Variants in FAM47B observed in about 807,000 individuals in gnomAD.
FAM47B encodes family with sequence similarity 47 member B, also known as protein FAM47B.
For missense variants in FAM47B, 581 were observed against 550.1 expected (o/e 1.06, Z -0.56); for synonymous variants, 247 against 215.8 (o/e 1.14, Z -1.27).
In FAM47B at chrX:34,944,084, G is replaced by C; in HGVS notation, c.1253G>C (p.Arg418Pro). 8.4e-7 allele frequency: 1 copy of C among 1,195,090 alleles called. No homozygotes were observed. Among genetic ancestry groups the C allele is most frequent in the Non-Finnish European group, 1.1e-6 (1 of 889,761 alleles). The part of the protein sequence containing the change: ...ASLCLKPPKT[R>P]RVSSLCPEPT... ...CTCTGCCTGAAGCCTCCCAAGACTC[G>C]TCGGGTGTCCAGTCTCTGCCCGGAG... is the stretch of plus-strand genomic sequence containing the variant. The change falls in exon 1 of 1, where the codon CGT becomes CCT. Residue 418 changes from arginine to proline, a missense_variant. Physicochemically the swap from Arg to Pro is moderately radical, Grantham distance 103. Transcript: ENST00000329357.
At position 34,943,843 on chromosome X, in the gene FAM47B, A is replaced by G; in HGVS notation, c.1012A>G (p.Thr338Ala). ...CCATCTCTGCCTGGAACCTCCCAACACTCATCGGGTGTCCAGTTTCCTACT... is the reference window on the plus strand; with the variant it reads ...CCATCTCTGCCTGGAACCTCCCAACGCTCATCGGGTGTCCAGTTTCCTACT... ...VSHLCLEPPN[T>A]HRVSSFLLQV... The change falls in exon 1 of 1, where the codon ACT (threonine) becomes GCT (alanine). Residue 338 changes from threonine (T) to alanine (A), a missense_variant. Physicochemically the swap from Thr to Ala is moderately conservative, Grantham distance 58. Coordinates refer to ENST00000329357, the MANE Select transcript of FAM47B (RefSeq NM_152631.3). 1.7e-6 allele frequency: 2 copies of G among 1,204,511 alleles called. No individual in the cohort carries two copies. Among genetic ancestry groups the G allele is most frequent in the African/African-American group, 1.8e-5 (1 of 55,167 alleles).
In FAM47B at chrX:34,944,388, G is replaced by C. The variant is rs1184828379; in HGVS notation, c.1557G>C (p.Glu519Asp). ...GCATGGAGCTAGACGACATGGATGA[G>C]GTCGAATTCTTACGGATAAAATACT... ...MYGMELDDMDEVEFLRIKYWD... is the reference protein window; with the variant it reads ...MYGMELDDMDDVEFLRIKYWD... The change falls in exon 1 of 1, where the codon GAG (glutamate) becomes GAC (aspartate). Residue 519 changes from glutamate (E) to aspartate (D), a missense_variant. Coordinates refer to ENST00000329357, the MANE Select transcript of FAM47B (RefSeq NM_152631.3). 5.8e-6 allele frequency: 7 copies of C among 1,211,954 alleles called. No individual in the cohort carries two copies. The highest frequency in any genetic ancestry group is 7.8e-6 in the Non-Finnish European group (7 of 895,604).
At position 34,944,463 on chromosome X, in the gene FAM47B, G is replaced by A; in HGVS notation, c.1632G>A (p.Gly544=). 2 of 1,212,032 alleles carry A rather than the reference G, an allele frequency of 1.7e-6. No homozygotes were observed. Among genetic ancestry groups the A allele is most frequent in the African/African-American group, 1.7e-5 (1 of 57,862 alleles). Reference sequence around the variant, plus strand: ...CGCATTCTTATAGTGCACAGCGTGGGAGGATAAGGTATGGACCATGGTACT... The same window carrying A: ...CGCATTCTTATAGTGCACAGCGTGGAAGGATAAGGTATGGACCATGGTACT... ...AAPHSYSAQR[G]RIRYGPWYFE... Residue 544 remains glycine (G), a synonymous_variant, in exon 1 of 1, where the codon GGG becomes GGA. Transcript: ENST00000329357.
At position 34,944,725 on chromosome X, in the gene FAM47B, T is replaced by C; in HGVS notation, c.1894T>C (p.Tyr632His). The change falls in exon 1 of 1, where the codon TAC becomes CAC. Residue 632 changes from tyrosine (Y) to histidine (H), a missense_variant. Coordinates refer to ENST00000329357, the MANE Select transcript of FAM47B (RefSeq NM_152631.3). Reference protein sequence around the residue: ...KTPIQRAVQVYKYKEDVTDAS... With the variant: ...KTPIQRAVQVHKYKEDVTDAS... ...TCCTATTCAACGTGCAGTGCAAGTTTACAAGTACAAAGAAGACGTCACAGA... is the reference window on the plus strand; with the variant it reads ...TCCTATTCAACGTGCAGTGCAAGTTCACAAGTACAAAGAAGACGTCACAGA... The C allele has an allele frequency of 8.4e-7, 1 of 1,186,272 alleles. No individual in the cohort carries two copies. Among genetic ancestry groups the C allele is most frequent in the East Asian group, 3.0e-5 (1 of 33,477 alleles).
Position 34,943,201 on chromosome X carries a change from C to T in FAM47B, c.370C>T (p.Gln124Ter). 8.3e-7 allele frequency: 1 copy of T among 1,210,943 alleles called. No homozygotes were observed. Among genetic ancestry groups the T allele is most frequent in the Non-Finnish European group, 1.1e-6 (1 of 895,214 alleles). Reference sequence around the variant, plus strand: ...GGCGTTCGTAGAGGAAGTGGAAGCCCAGCTGATGACCAAGCATCCCTTGGC... The same window carrying T: ...GGCGTTCGTAGAGGAAGTGGAAGCCTAGCTGATGACCAAGCATCCCTTGGC... ...RKAFVEEVEA[Q>*]LMTKHPLAMY... The change falls in exon 1 of 1, where the codon CAG (glutamine) becomes TAG (stop). Residue 124 changes from glutamine (Q) to a stop codon, truncating the protein, a stop_gained. Coordinates refer to ENST00000329357, the MANE Select transcript of FAM47B (RefSeq NM_152631.3). LOFTEE classifies it low-confidence loss of function (END_TRUNC).
Position 34,944,136 on chromosome X carries a change from A to G in FAM47B, c.1305A>G (p.Leu435=). ...CTACCAAGACCGGAGCGTCCCATCTAAAAGAACTGTTTCAGGAAGATACAC... is the reference window on the plus strand; with the variant it reads ...CTACCAAGACCGGAGCGTCCCATCTGAAAGAACTGTTTCAGGAAGATACAC... The part of the protein sequence containing the change: ...PEPTKTGASH[L]KELFQEDTPS... The change falls in exon 1 of 1, where the codon CTA becomes CTG. Residue 435 remains leucine (L), a synonymous_variant. Transcript: ENST00000329357. The G allele has an allele frequency of 5.0e-6, 6 of 1,211,409 alleles. No individual in the cohort carries two copies. The highest frequency in any genetic ancestry group is 6.7e-6 in the Non-Finnish European group (6 of 895,503).
rs1486639582 is a variant in FAM47B at position 34,944,255 on chromosome X, A to G, written c.1424A>G (p.Asn475Ser). 1.7e-6 allele frequency: 2 copies of G among 1,212,061 alleles called. No homozygotes were observed. The highest frequency in any genetic ancestry group is 4.3e-5 in the Admixed American group (2 of 46,036). Residue 475 changes from asparagine to serine, a missense_variant, in exon 1 of 1, where the codon AAT (asparagine) becomes AGT (serine). By Grantham distance (46) the Asn-to-Ser change is conservative. Coordinates refer to ENST00000329357, the MANE Select transcript of FAM47B (RefSeq NM_152631.3). ...AAGTGGGCTGGAGACCTAGGAGTTA[A>G]TGAAGAATCCATCAGCAGTCTGTTT... is the stretch of plus-strand genomic sequence containing the variant. Reference protein sequence around the residue: ...DFKWAGDLGVNEESISSLFDF... With the variant: ...DFKWAGDLGVSEESISSLFDF...
rs773816146 is a variant in FAM47B at position 34,944,525 on chromosome X, A to G, written c.1694A>G (p.Glu565Gly). Residue 565 changes from glutamate to glycine, a missense_variant, in exon 1 of 1, where the codon GAA becomes GGA. Coordinates refer to ENST00000329357, the MANE Select transcript of FAM47B (RefSeq NM_152631.3). ...TTGGGGAAAAAGCTAAGAAGTGATG[A>G]ACCTTTGATTGACCCCAAGCCCGTA... ...PKLGKKLRSD[E>G]PLIDPKPVLE... 3.3e-6 allele frequency: 4 copies of G among 1,209,760 alleles called. No individual in the cohort carries two copies. In the East Asian group the frequency reaches 1.2e-4, roughly 36 times the overall value.
In FAM47B at chrX:34,944,701, C is replaced by T; in HGVS notation, c.1870C>T (p.Pro624Ser). 8.3e-7 allele frequency: 1 copy of T among 1,201,720 alleles called. No homozygotes were observed. Among genetic ancestry groups the T allele is most frequent in the Non-Finnish European group, 1.1e-6 (1 of 889,846 alleles). ...KGWTYDSVKT[P>S]IQRAVQVYKY... ...ATGGACTTACGACTCTGTTAAGACTCCTATTCAACGTGCAGTGCAAGTTTA... is the reference window on the plus strand; with the variant it reads ...ATGGACTTACGACTCTGTTAAGACTTCTATTCAACGTGCAGTGCAAGTTTA... Residue 624 changes from proline to serine, a missense_variant, in exon 1 of 1, where the codon CCT (proline) becomes TCT (serine). By Grantham distance (74) the Pro-to-Ser change is moderately conservative. Transcript: ENST00000329357.
rs1234555389 is a variant in FAM47B, at chrX:34,943,641, T to A, written c.810T>A (p.Ser270Arg). The part of the protein sequence containing the change: ...CPEPPKTLVS[S>R]VHPEPPDTGA... The stretch of plus-strand genomic sequence containing the variant: ...AGCCTCCCAAGACTCTGGTGTCCAG[T>A]GTCCACCCAGAGCCTCCTGATACTG... Residue 270 changes from serine to arginine, a missense_variant, in exon 1 of 1, where the codon AGT becomes AGA. Ser to Arg is a moderately radical substitution (Grantham distance 110). Transcript: ENST00000329357. The A allele has an allele frequency of 1.7e-6, 2 of 1,208,115 alleles. No individual in the cohort carries two copies. The highest frequency in any genetic ancestry group is 3.5e-5 in the South Asian group (2 of 56,764).
At position 34,944,059 on chromosome X, in the gene FAM47B, C is replaced by A. The variant is rs1021316758; in HGVS notation, c.1228C>A (p.Leu410Ile). ...TCCCATAACTCGTCGAATGGCCAGT[C>A]TCTGCCTGAAGCCTCCCAAGACTCG... ...VLPITRRMASLCLKPPKTRRV... is the reference protein window; with the variant it reads ...VLPITRRMASICLKPPKTRRV... The change falls in exon 1 of 1, where the codon CTC becomes ATC. Residue 410 changes from leucine to isoleucine, a missense_variant. Transcript: ENST00000329357. 2.5e-6 allele frequency: 3 copies of A among 1,210,202 alleles called. No homozygotes were observed.
rs746850714 is a variant in FAM47B at position 34,943,100 on chromosome X, G to A, written c.269G>A (p.Arg90His). 2.5e-6 allele frequency: 3 copies of A among 1,211,722 alleles called. No homozygotes were observed. The highest frequency in any genetic ancestry group is 3.5e-5 in the South Asian group (2 of 56,970). The stretch of plus-strand genomic sequence containing the variant: ...TCTCTCAGAGGTCCCCAAGCTGACC[G>A]CAAAAGCAGGAAGAAAAAGCTGCTC... Reference protein sequence around the residue: ...KISLRGPQADRKSRKKKLLKK... With the variant: ...KISLRGPQADHKSRKKKLLKK... The change falls in exon 1 of 1, where the codon CGC becomes CAC. Residue 90 changes from arginine (R) to histidine (H), a missense_variant. Physicochemically the swap from Arg to His is conservative, Grantham distance 29. Transcript: ENST00000329357.
At position 34,944,487 on chromosome X, in the gene FAM47B, C is replaced by T. The variant is rs778401939; in HGVS notation, c.1656C>T (p.Tyr552=). The T allele has an allele frequency of 6.6e-6, 8 of 1,211,789 alleles. No homozygotes were observed. The South Asian group carries it at 1.2e-4, about 19-fold the overall frequency. Residue 552 remains tyrosine (Y), a synonymous_variant, in exon 1 of 1, where the codon TAC becomes TAT. Transcript: ENST00000329357. ...QRGRIRYGPW[Y]FEPKLGKKLR... The stretch of plus-strand genomic sequence containing the variant: ...GGAGGATAAGGTATGGACCATGGTA[C>T]TTCGAGCCTAAGTTGGGGAAAAAGC...
In FAM47B at chrX:34,943,415, C is replaced by T. The variant is rs1003154042; in HGVS notation, c.584C>T (p.Pro195Leu). 1.2e-5 allele frequency: 14 copies of T among 1,205,588 alleles called. No homozygotes were observed. Among genetic ancestry groups the T allele is most frequent in the African/African-American group, 5.4e-5 (3 of 55,779 alleles). ...TCCTGCCCGCGGCCTCCCGAGACTC[C>T]GGTGTCCCGTCTCCGTCCTCAGCTT... is the stretch of plus-strand genomic sequence containing the variant. Reference protein sequence around the residue: ...GESCPRPPETPVSRLRPQLPK... With the variant: ...GESCPRPPETLVSRLRPQLPK... Residue 195 changes from proline (P) to leucine (L), a missense_variant, in exon 1 of 1, where the codon CCG (proline) becomes CTG (leucine). Pro to Leu is a moderately conservative substitution (Grantham distance 98). Coordinates refer to ENST00000329357, the MANE Select transcript of FAM47B (RefSeq NM_152631.3).
Position 34,944,047 on chromosome X carries a change from C to T in FAM47B, c.1216C>T (p.Arg406Ter), listed in dbSNP as rs772046766. 4.2e-6 allele frequency: 5 copies of T among 1,204,197 alleles called. No individual in the cohort carries two copies. The highest frequency in any genetic ancestry group is 4.4e-5 in the Admixed American group (2 of 45,027). Residue 406 changes from arginine (R) to a stop codon, truncating the protein, a stop_gained, in exon 1 of 1, where the codon CGA becomes TGA. Coordinates refer to ENST00000329357, the MANE Select transcript of FAM47B (RefSeq NM_152631.3). LOFTEE classifies it low-confidence loss of function (END_TRUNC). The stretch of plus-strand genomic sequence containing the variant: ...CCGCCTGGTGCTTCCCATAACTCGT[C>T]GAATGGCCAGTCTCTGCCTGAAGCC... ...HLRLVLPITRRMASLCLKPPK... is the reference protein window; with the variant it reads ...HLRLVLPITR
rs1378836998 is a variant in FAM47B at position 34,943,076 on chromosome X, C to A, written c.245C>A (p.Ser82Tyr). Residue 82 changes from serine (S) to tyrosine (Y), a missense_variant, in exon 1 of 1, where the codon TCT (serine) becomes TAT (tyrosine). Physicochemically the swap from Ser to Tyr is moderately radical, Grantham distance 144. Coordinates refer to ENST00000329357, the MANE Select transcript of FAM47B (RefSeq NM_152631.3). ...GACGAGTTTTTACTCCCCAAAATATCTCTCAGAGGTCCCCAAGCTGACCGC... is the reference window on the plus strand; with the variant it reads ...GACGAGTTTTTACTCCCCAAAATATATCTCAGAGGTCCCCAAGCTGACCGC... ...RRDEFLLPKI[S>Y]LRGPQADRKS... 3 of 1,211,834 alleles carry A rather than the reference C, an allele frequency of 2.5e-6. No homozygotes were observed. The highest frequency in any genetic ancestry group is 3.3e-6 in the Non-Finnish European group (3 of 895,568).
Position 34,944,570 on chromosome X carries a change from C to T in FAM47B, c.1739C>T (p.Pro580Leu). 8.3e-7 allele frequency: 1 copy of T among 1,209,080 alleles called. No homozygotes were observed. Among genetic ancestry groups the T allele is most frequent in the Non-Finnish European group, 1.1e-6 (1 of 893,963 alleles). Residue 580 changes from proline to leucine, a missense_variant, in exon 1 of 1, where the codon CCC (proline) becomes CTC (leucine). Transcript: ENST00000329357. Reference protein sequence around the residue: ...PKPVLEKPDEPDILDGLYGPI... With the variant: ...PKPVLEKPDELDILDGLYGPI... ...CCCGTACTTGAAAAGCCTGATGAAC[C>T]CGACATTCTTGACGGTCTTTATGGA...
rs750784521 is a variant in FAM47B, at chrX:34,943,816, T to A, written c.985T>A (p.Ser329Thr). 4.1e-6 allele frequency: 5 copies of A among 1,209,712 alleles called. No individual in the cohort carries two copies. In the East Asian group the frequency reaches 1.5e-4, roughly 36 times the overall value. Reference protein sequence around the residue: ...LCPEPPEAGVSHLCLEPPNTH... With the variant: ...LCPEPPEAGVTHLCLEPPNTH... The stretch of plus-strand genomic sequence containing the variant: ...CCCGGAGCCTCCCGAGGCTGGAGTG[T>A]CCCATCTCTGCCTGGAACCTCCCAA... The change falls in exon 1 of 1, where the codon TCC (serine) becomes ACC (threonine). Residue 329 changes from serine (S) to threonine (T), a missense_variant. Transcript: ENST00000329357.
rs977642442 is a variant in FAM47B at position 34,943,482 on chromosome X, G to T, written c.651G>T (p.Lys217Asn). 1 of 1,207,980 alleles carries T rather than the reference G, an allele frequency of 8.3e-7. No individual in the cohort carries two copies. The highest frequency in any genetic ancestry group is 1.8e-5 in the African/African-American group (1 of 56,566). The change falls in exon 1 of 1, where the codon AAG becomes AAT. Residue 217 changes from lysine to asparagine, a missense_variant. Coordinates refer to ENST00000329357, the MANE Select transcript of FAM47B (RefSeq NM_152631.3). Reference protein sequence around the residue: ...PVSSRRPEPPKTRVSSLRPEP... With the variant: ...PVSSRRPEPPNTRVSSLRPEP... ...CCAGTCGCCGCCCAGAGCCTCCCAA[G>T]ACTCGGGTGTCCAGTCTCCGCCCAG...
Sources: allele counts gnomAD v4.1 joint callset, GRCh38; gene constraint gnomAD v4.1.1; transcripts MANE v1.5; gene names NCBI Gene and HGNC (gene_info 2026-07-23, HGNC 2026-07-21).